The following CCBE1 variants were observed in gnomAD, a reference collection of about 807,000 sequenced individuals.
The protein encoded by CCBE1 is collagen and calcium-binding EGF domain-containing protein 1.
A neutral mutation model predicts 50.0 loss-of-function variants in CCBE1; 37 were observed. The observed-to-expected ratio is 0.74, with a 90% CI of 0.57 to 0.97. CCBE1 has a LOEUF of 0.97. Among genes scored for constraint, CCBE1 ranks in the 50% least tolerant of loss-of-function variants. The pLI is 0.00. For missense variants in CCBE1, 538 were observed against 523.8 expected, an observed-to-expected ratio of 1.03 and a Z score of -0.26; for synonymous variants, 234 against 203.7, an observed-to-expected ratio of 1.15 and a Z score of -1.27.
At chr18:59,599,021 C>A (rs967202811) in intron 2 of CCBE1, among the ~76,000 whole-genome samples, 1 of 152,186 alleles carries the variant, frequency 6.6e-6, no homozygotes, top group African/African-American at 2.4e-5. Flanking sequence ...ATCAGACCCA[C>A]TTCTAGGTGG....
chr18:59,498,818 T>TC (rs1913477592), intron 2 of CCBE1, among the ~76,000 whole-genome samples: 1 of 152,178 alleles, frequency 6.6e-6, no homozygotes, highest in Non-Finnish European at 1.5e-5. Context: ...AACAGATGCA[T>TC]TTCTATTTCA....
chr18:59,473,781 T>C (rs66495368), intron 3 of CCBE1, among the ~76,000 whole-genome samples: 50 of 714 alleles, frequency 0.07, no homozygotes, highest in East Asian at 0.2. Flanking sequence ...CACTATTTCC[T>C]CCCCACTACT....
At chr18:59,666,843 T>TA (rs1036866801) in intron 2 of CCBE1, among the ~76,000 whole-genome samples, 6 of 152,142 alleles carry the variant, frequency 3.9e-5, no homozygotes, top group African/African-American at 1.4e-4. Context: ...TGCGTGCCTG[T>TA]AGTCCCAGCT....
chr18:59,448,235 G>T, intron 6 of CCBE1, 132 bp from the exon 7 acceptor site: 1 of 1,330,830 alleles, frequency 7.5e-7, no homozygotes, highest in Non-Finnish European at 1.0e-6. Flanking sequence ...GCTAGTTAGA[G>T]CTCAGAGAAA....
intron 10 of CCBE1, among the ~76,000 whole-genome samples, chr18:59,437,884 G>A (rs36000093): frequency 0.023 from 3,437 of 152,292 alleles, 52 homozygotes; most frequent in Non-Finnish European, 0.036. Context: ...ATAAAGATTA[G>A]CCATGATAAA....
chr18:59,438,506 A>C (rs1395311560), intron 9 of CCBE1, among the ~76,000 whole-genome samples: 1 of 152,254 alleles, frequency 6.6e-6, no homozygotes, highest in African/African-American at 2.4e-5. Flanking sequence ...CCCTGCTTGC[A>C]AAAAGAATGG....
At chr18:59,632,922 T>C (rs1273065336) in intron 2 of CCBE1, among the ~76,000 whole-genome samples, 1 of 152,150 alleles carries the variant, frequency 6.6e-6, no homozygotes, top group Non-Finnish European at 1.5e-5. Context: ...AACAATCTTC[T>C]AAAGCAGAAG....
Position 59,518,489 on chromosome 18 carries a change from G to A in CCBE1, c.213-38251C>T, listed in dbSNP as rs1003111585. Among the ~76,000 whole-genome samples, 6 of 152,298 alleles carry A rather than the reference G, an allele frequency of 3.9e-5. No homozygotes were observed. The East Asian group carries it at 9.6e-4, about 24-fold the overall frequency. On this transcript the variant is annotated intron_variant, in intron 2 of 10. Transcript: ENST00000439986. ...CTATAAACAGAATTCTAAATCAATT[G>A]TTTGTTAATGGATCTTCTCTTGTCA...
At chr18:59,548,351 A>G (rs1231488952) in intron 2 of CCBE1, among the ~76,000 whole-genome samples, 4 of 152,212 alleles carry the variant, frequency 2.6e-5, no homozygotes, top group Non-Finnish European at 5.9e-5. Context: ...TTATTTAAAG[A>G]TAGTGAGTTA....
chr18:59,432,968 C>T lies in CCBE1; in HGVS notation c.*2940G>A, dbSNP rs1241569555. 2 of 149,836 alleles carry T rather than the reference C, an allele frequency of 1.3e-5. No homozygotes were observed. Among genetic ancestry groups the T allele is most frequent in the South Asian group, 4.3e-4 (2 of 4,698 alleles). 9.3% of individuals were successfully genotyped at this position (149,836 alleles called of 1,614,324 possible). A position where few individuals can be genotyped will look rare whatever the true frequency, so the allele number is the denominator to read the frequency against. On this transcript the variant is annotated 3_prime_UTR_variant, in exon 11 of 11. Coordinates refer to ENST00000439986, the MANE Select transcript of CCBE1 (RefSeq NM_133459.4). ...ATAGTTTTGTGTGTTTTTTTTTAAA[C>T]ATTCATCCATCCACACCCTTTAAAT...
At chr18:59,599,249 T>C (rs982339162) in intron 2 of CCBE1, among the ~76,000 whole-genome samples, 3 of 152,214 alleles carry the variant, frequency 2.0e-5, no homozygotes, top group Non-Finnish European at 2.9e-5. Context: ...AGTCACATTA[T>C]AAATATCTAT....
intron 2 of CCBE1, among the ~76,000 whole-genome samples, chr18:59,663,501 A>G (rs764483763): frequency 2.0e-4 from 31 of 152,216 alleles, no homozygotes; most frequent in Non-Finnish European, 3.7e-4. Flanking sequence ...GATGCTGCAG[A>G]GTTCTGTGAG....
intron 2 of CCBE1, among the ~76,000 whole-genome samples, chr18:59,636,385 C>G (rs1008712931): frequency 3.9e-5 from 6 of 152,324 alleles, no homozygotes; most frequent in Admixed American, 1.3e-4. Flanking sequence ...TCAAATAGGT[C>G]TATGTGAAAT....
At chr18:59,459,635 T>C (rs1193326811) in intron 5 of CCBE1, among the ~76,000 whole-genome samples, 1 of 152,212 alleles carries the variant, frequency 6.6e-6, no homozygotes, top group Non-Finnish European at 1.5e-5. Flanking sequence ...GCCTTAGATA[T>C]CTTAGAAAAA....
chr18:59,692,487 T>TCCC (rs536271056), intron 2 of CCBE1, among the ~76,000 whole-genome samples: 2 of 151,868 alleles, frequency 1.3e-5, no homozygotes, highest in African/African-American at 4.8e-5. Flanking sequence ...CGAAGCCCAC[T>TCCC]CCCCCGCCAT....
At chr18:59,511,494 G>A (rs553112455) in intron 2 of CCBE1, among the ~76,000 whole-genome samples, 8 of 152,320 alleles carry the variant, frequency 5.3e-5, no homozygotes, top group Non-Finnish European at 1.5e-5. Flanking sequence ...AGGTTTGAAA[G>A]TTATTTTATG....
intron 2 of CCBE1, among the ~76,000 whole-genome samples, chr18:59,683,617 GA>G (rs1403635077): frequency 6.6e-6 from 1 of 152,160 alleles, no homozygotes; most frequent in Non-Finnish European, 1.5e-5. Context: ...AGAATTGCTT[GA>G]ACCCAGGAGG....
intron 2 of CCBE1, among the ~76,000 whole-genome samples, chr18:59,567,892 G>A (rs1438245757): frequency 6.6e-6 from 1 of 152,124 alleles, no homozygotes; most frequent in South Asian, 2.1e-4. Context: ...ACATACAGAA[G>A]CATCCATCCC....
intron 2 of CCBE1, among the ~76,000 whole-genome samples, chr18:59,511,778 T>C (rs1348614962): frequency 6.6e-6 from 1 of 152,244 alleles, no homozygotes; most frequent in Non-Finnish European, 1.5e-5. Context: ...AGCAGGCTGT[T>C]GTGAGCACAA....
Sources: gnomAD v4.1 joint callset for allele counts (sites outside exome capture counted in the v4.1 genomes callset) on GRCh38, gnomAD v4.1.1 for gene constraint, MANE v1.5 for transcripts, NCBI Gene and HGNC (gene_info 2026-07-23, HGNC 2026-07-21) for gene names.